The following DLG1 variants were observed in gnomAD, a reference collection of about 807,000 sequenced individuals.
The protein encoded by DLG1 is discs large MAGUK scaffold protein 1, also known as disks large homolog 1.
DLG1 carries 42 observed loss-of-function variants against 123.4 expected under a neutral mutation model. The observed-to-expected ratio is 0.34, with a 90% CI of 0.27 to 0.44. DLG1 has a LOEUF of 0.44. Among genes scored for constraint, DLG1 ranks in the 20% least tolerant of loss-of-function variants. DLG1 has a pLI of 1.00. For missense variants in DLG1, 942 were observed against 1,082.6 expected, an observed-to-expected ratio of 0.87 and a Z score of 1.82; for synonymous variants, 317 against 356.2, an observed-to-expected ratio of 0.89 and a Z score of 1.24.
At chr3:197,239,589 A>G (rs1747795930) in intron 4 of DLG1, among the ~76,000 whole-genome samples, 3 of 71,308 alleles carry the variant, frequency 4.2e-5, no homozygotes, top group Admixed American at 1.4e-4. Flanking sequence ...AATACTAGCA[A>G]ATCAGATTGA....
intron 5 of DLG1, among the ~76,000 whole-genome samples, chr3:197,163,608 C>T (rs930199547): frequency 4.0e-5 from 6 of 151,260 alleles, no homozygotes; most frequent in African/African-American, 7.3e-5. Context: ...CTGTAACGTC[C>T]GCCTCCCGGG....
At chr3:197,161,605 A>C (rs1158599396) in intron 5 of DLG1, 2 of 1,246,728 alleles carry the variant, frequency 1.6e-6, no homozygotes, top group East Asian at 2.8e-5. Context: ...AAAGCAAATG[A>C]AATTTTTATA....
At chr3:197,291,374 G>A (rs991208836) in intron 3 of DLG1, among the ~76,000 whole-genome samples, 7 of 151,356 alleles carry the variant, frequency 4.6e-5, no homozygotes, top group African/African-American at 1.7e-4. Context: ...ACATCAGTGG[G>A]ACTAATATAA....
chr3:197,212,556 A>G (rs1036705716), intron 4 of DLG1, among the ~76,000 whole-genome samples: 1 of 151,886 alleles, frequency 6.6e-6, no homozygotes, highest in African/African-American at 2.4e-5. Flanking sequence ...AGTCTTCCGC[A>G]CTCCTTGGCT....
intron 4 of DLG1, among the ~76,000 whole-genome samples, chr3:197,266,397 A>G (rs1248497660): frequency 6.6e-6 from 1 of 152,106 alleles, no homozygotes; most frequent in East Asian, 1.9e-4. Flanking sequence ...AATAAAAACG[A>G]AACTATCGAG....
At chr3:197,295,723 A>G (rs1165745331) in intron 3 of DLG1, among the ~76,000 whole-genome samples, 1 of 152,258 alleles carries the variant, frequency 6.6e-6, no homozygotes, top group Non-Finnish European at 1.5e-5. Flanking sequence ...GGCATAGAAA[A>G]GATTAAATGA....
intron 4 of DLG1, among the ~76,000 whole-genome samples, chr3:197,202,725 G>C (rs1027827544): frequency 1.3e-5 from 2 of 152,158 alleles, no homozygotes; most frequent in Non-Finnish European, 2.9e-5. Context: ...ACAAAAACAA[G>C]AAGTGTAATT....
intron 5 of DLG1, among the ~76,000 whole-genome samples, chr3:197,184,735 GAATT>G (rs1473431723): frequency 2.0e-5 from 3 of 152,136 alleles, no homozygotes; most frequent in South Asian, 2.1e-4. Flanking sequence ...AAATGAGAAA[GAATT>G]AACGCTGGTA....
chr3:197,261,356 G>A (rs1311727649), intron 4 of DLG1, among the ~76,000 whole-genome samples: 1 of 152,222 alleles, frequency 6.6e-6, no homozygotes, highest in Admixed American at 6.5e-5. Flanking sequence ...ACTGGACAAT[G>A]GCTTGAGCCC....
At chr3:197,094,810 T>C in intron 14 of DLG1, among the ~76,000 whole-genome samples, 1 of 152,194 alleles carries the variant, frequency 6.6e-6, no homozygotes, top group East Asian at 1.9e-4. Context: ...ATTCAGCTTC[T>C]TCCTTTATTG....
At chr3:197,248,362 ATC>A (rs1752785058) in intron 4 of DLG1, among the ~76,000 whole-genome samples, 1 of 152,014 alleles carries the variant, frequency 6.6e-6, no homozygotes. Context: ...GTGGGTCTCA[ATC>A]TCTTACCCCT....
chr3:197,223,090 T>A (rs1737985670), intron 4 of DLG1, among the ~76,000 whole-genome samples: 1 of 152,174 alleles, frequency 6.6e-6, no homozygotes, highest in Non-Finnish European at 1.5e-5. Context: ...CTAATTTCTG[T>A]TCACATCCAC....
chr3:197,210,462 C>A (rs1167942950), intron 4 of DLG1, among the ~76,000 whole-genome samples: 6 of 143,560 alleles, frequency 4.2e-5, no homozygotes, highest in African/African-American at 1.5e-4. Context: ...ACTGAAAAAA[C>A]CTATAGATCT....
chr3:197,081,179 A>C, intron 16 of DLG1, 62 bp from the exon 17 acceptor site: 1 of 1,479,844 alleles, frequency 6.8e-7, no homozygotes, highest in East Asian at 2.3e-5. Flanking sequence ...CTTACTAGAA[A>C]TAACCAGAAT....
chr3:197,132,024 T>C (rs976826364), intron 10 of DLG1, among the ~76,000 whole-genome samples: 1 of 152,236 alleles, frequency 6.6e-6, no homozygotes, highest in Non-Finnish European at 1.5e-5. Context: ...TCATCTAAGT[T>C]ACCTCAGGTA....
chr3:197,157,992 T>C (rs1318873133), intron 5 of DLG1, among the ~76,000 whole-genome samples: 1 of 152,200 alleles, frequency 6.6e-6, no homozygotes, highest in Non-Finnish European at 1.5e-5. Flanking sequence ...TTGTCAATGA[T>C]TTCTTGGATA....
chr3:197,094,464 T>C (rs191524556), intron 14 of DLG1, among the ~76,000 whole-genome samples: 8 of 152,336 alleles, frequency 5.3e-5, no homozygotes, highest in African/African-American at 1.2e-4. Context: ...TCTTCCCAGA[T>C]TGGATTGGAA....
intron 13 of DLG1, among the ~76,000 whole-genome samples, chr3:197,105,700 C>T (rs752598078): frequency 1.2e-4 from 19 of 152,198 alleles, no homozygotes; most frequent in East Asian, 5.8e-4. Flanking sequence ...ATACTTTGCG[C>T]GCATATATAC....
chr3:197,299,148 C>G (rs893049597), upstream of DLG1: 1 of 152,222 alleles, frequency 6.6e-6, no homozygotes, highest in Non-Finnish European at 1.5e-5. Flanking sequence ...ACCCCGCTCC[C>G]GGTCTGAGCC....
Sources: allele counts gnomAD v4.1 joint callset (sites outside exome capture counted in the v4.1 genomes callset), GRCh38; gene constraint gnomAD v4.1.1; transcripts MANE v1.5; gene names NCBI Gene and HGNC (gene_info 2026-07-23, HGNC 2026-07-21).